Variants in SMC1B observed in about 807,000 individuals in gnomAD.
The protein encoded by SMC1B is structural maintenance of chromosomes 1B.
In SMC1B, 60 loss-of-function variants were observed where a neutral mutation model predicts 157.9. The ratio of observed to expected loss-of-function variants is 0.38; its 90% CI spans 0.31 to 0.47. SMC1B has a LOEUF of 0.47. SMC1B is among the 20% of genes least tolerant of loss of function. The pLI is 0.99. For missense variants in SMC1B, 1,165 were observed against 1,426.2 expected, an observed-to-expected ratio of 0.82 and a Z score of 2.95; for synonymous variants, 445 against 483.0, an observed-to-expected ratio of 0.92 and a Z score of 1.03.
rs2086646787 is a variant in SMC1B at position 45,354,135 on chromosome 22, AAG to A, written c.3119-5_3119-4del. ...TTCCTTTCTGCTGGCCTCAAAAGCT[AAG>A]AGAGAATCAATGTTCTTTATTTTAG... On this transcript the variant is annotated splice_polypyrimidine_tract_variant and splice_region_variant and intron_variant, in intron 20 of 24. Transcript: ENST00000357450. The A allele has an allele frequency of 6.5e-7, 1 of 1,541,986 alleles. No homozygotes were observed. Among genetic ancestry groups the A allele is most frequent in the Middle Eastern group, 1.7e-4 (1 of 5,874 alleles).
At position 45,354,849 on chromosome 22, in the gene SMC1B, G is replaced by A. The variant is rs138943968; in HGVS notation, c.3118+110C>T. The A allele has an allele frequency of 8.8e-4, 866 of 979,686 alleles. 8 individuals are homozygous for A. The African/African-American group carries it at 0.013, about 14-fold the overall frequency. 60.7% of individuals were successfully genotyped at this position (979,686 alleles called of 1,614,324 possible). A position where few individuals can be genotyped will look rare whatever the true frequency, so the allele number is the denominator to read the frequency against. On this transcript the variant is annotated intron_variant, in intron 20 of 24. Coordinates refer to ENST00000357450, the MANE Select transcript of SMC1B (RefSeq NM_148674.5). ...GCACACATTAATATAAGACCACAGA[G>A]GAAAAAATCTATAACAAAAAGGGAC...
At chr22:45,399,026 A>AT (rs1452266325) in intron 6 of SMC1B, 69 bp downstream of exon 6, 4 of 1,474,228 alleles carry the variant, frequency 2.7e-6, no homozygotes, top group Non-Finnish European at 2.7e-6. Context: ...CATCTTTTAA[A>AT]TTTTTTTCTA....
chr22:45,370,490 T>G (rs1209464047), intron 14 of SMC1B, among the ~76,000 whole-genome samples: 1 of 152,180 alleles, frequency 6.6e-6, no homozygotes, highest in East Asian at 1.9e-4. Flanking sequence ...AAAGCTAGAA[T>G]GGGGAAATTC....
rs552638438 is a variant in SMC1B, at chr22:45,387,370, AACTTGGG to A, written c.1732-331_1732-325del. On this transcript the variant is annotated intron_variant, in intron 10 of 24. Transcript: ENST00000357450. ...GAGGCTGAGGCAGGAGACTCGCTTG[AACTTGGG>A]AGACAGTAGTTGTAGTGAGCTGAGA... 5.3e-5 allele frequency among the ~76,000 whole-genome samples: 8 copies of A among 152,258 alleles called. No homozygotes were observed. The South Asian group carries it at 1.7e-3, about 32-fold the overall frequency.
intron 15 of SMC1B, 169 bp downstream of exon 15, chr22:45,369,785 C>T: frequency 2.2e-6 from 1 of 452,456 alleles, no homozygotes; most frequent in East Asian, 4.6e-5. Flanking sequence ...ACCTCGTGAT[C>T]CGCCTGCCTT....
intron 15 of SMC1B, among the ~76,000 whole-genome samples, chr22:45,367,217 G>A (rs1169128962): frequency 6.6e-6 from 1 of 152,110 alleles, no homozygotes; most frequent in African/African-American, 2.4e-5. Context: ...GATTATCTCT[G>A]TCTGGCTTGT....
At chr22:45,377,717 A>T (rs2086896972) in intron 12 of SMC1B, among the ~76,000 whole-genome samples, 1 of 151,892 alleles carries the variant, frequency 6.6e-6, no homozygotes, top group Non-Finnish European at 1.5e-5. Context: ...TTATTTTTAA[A>T]TAGAGATGGG....
At chr22:45,372,106 C>A in intron 13 of SMC1B, 49 bp downstream of exon 13, 1 of 1,476,594 alleles carries the variant, frequency 6.8e-7, no homozygotes. Context: ...TCCTGAAATT[C>A]TATGTTCTGG....
chr22:45,355,037 G>C lies in SMC1B; in HGVS notation c.3040C>G (p.Leu1014Val), dbSNP rs780441681. ...QQVASQEDIL[L>V]KTAAPNLRAL... ...CGTAGGTTTGGGGCTGCTGTTTTCAGTAAGATATCTTCCTGGGATGCTACT... is the reference window on the plus strand; with the variant it reads ...CGTAGGTTTGGGGCTGCTGTTTTCACTAAGATATCTTCCTGGGATGCTACT... Residue 1014 changes from leucine (L) to valine (V), a missense_variant, in exon 20 of 25, where the codon CTG becomes GTG. Physicochemically the swap from Leu to Val is conservative, Grantham distance 32. Transcript: ENST00000357450. The C allele has an allele frequency of 1.7e-5, 27 of 1,614,192 alleles. No individual in the cohort carries two copies. The South Asian group carries it at 2.4e-4, about 14-fold the overall frequency.
intron 16 of SMC1B, 51 bp from the exon 17 acceptor site, chr22:45,362,035 G>T (rs1437274528): frequency 6.4e-7 from 1 of 1,561,924 alleles, no homozygotes; most frequent in South Asian, 1.2e-5. Context: ...ATATTAATAA[G>T]GTACTTCTAT....
chr22:45,382,006 T>C (rs549468710), intron 12 of SMC1B, among the ~76,000 whole-genome samples: 18 of 152,286 alleles, frequency 1.2e-4, no homozygotes, highest in Non-Finnish European at 2.1e-4. Flanking sequence ...ATTCAACAAA[T>C]GATACTTTTG....
At position 45,383,556 on chromosome 22, in the gene SMC1B, T is replaced by G; in HGVS notation, c.1969A>C (p.Ser657Arg). Reference sequence around the variant, plus strand: ...CATCTAGCCTTGTATTTTAAGTCACTTGACCCTCCAGAGATCACTCCAGAT... The same window carrying G: ...CATCTAGCCTTGTATTTTAAGTCACGTGACCCTCCAGAGATCACTCCAGAT... ...LKSGVISGGSSDLKYKARCWD... is the reference protein window; with the variant it reads ...LKSGVISGGSRDLKYKARCWD... Residue 657 changes from serine (S) to arginine (R), a missense_variant, in exon 12 of 25, where the codon AGT becomes CGT. Physicochemically the swap from Ser to Arg is moderately radical, Grantham distance 110. Transcript: ENST00000357450. 1 of 1,610,660 alleles carries G rather than the reference T, an allele frequency of 6.2e-7. No individual in the cohort carries two copies. Among genetic ancestry groups the G allele is most frequent in the African/African-American group, 1.3e-5 (1 of 74,820 alleles).
intron 6 of SMC1B, among the ~76,000 whole-genome samples, chr22:45,398,186 G>T (rs2087148350): frequency 6.6e-6 from 1 of 152,184 alleles, no homozygotes; most frequent in Non-Finnish European, 1.5e-5. Flanking sequence ...GGGCTTTGGG[G>T]TCAGGAGCAC....
At chr22:45,364,139 G>A (rs774043808) in intron 15 of SMC1B, among the ~76,000 whole-genome samples, 3 of 152,148 alleles carry the variant, frequency 2.0e-5, no homozygotes, top group East Asian at 1.9e-4. Flanking sequence ...ATGAGCCACC[G>A]CGCCTGGCCC....
At chr22:45,402,164 T>G (rs767008435) in intron 5 of SMC1B, among the ~76,000 whole-genome samples, 169 bp downstream of exon 5, 30 of 152,224 alleles carry the variant, frequency 2.0e-4, no homozygotes, top group Admixed American at 1.6e-3. Flanking sequence ...ATTACAGGCA[T>G]GAGCCACCAC....
At chr22:45,362,810 C>A (rs190315276) in intron 16 of SMC1B, 75 bp downstream of exon 16, 7 of 1,230,298 alleles carry the variant, frequency 5.7e-6, no homozygotes, top group Non-Finnish European at 8.2e-6. Flanking sequence ...CCTTCAGGAG[C>A]GCACAAAAGG....
intron 19 of SMC1B, among the ~76,000 whole-genome samples, chr22:45,355,504 G>A (rs568920206): frequency 6.6e-6 from 1 of 152,250 alleles, no homozygotes; most frequent in East Asian, 1.9e-4. Flanking sequence ...TTTTTTGTAA[G>A]AGACAGGTCT....
At chr22:45,354,180 C>T (rs773499257) in intron 20 of SMC1B, 48 bp from the exon 21 acceptor site, 5 of 1,395,910 alleles carry the variant, frequency 3.6e-6, no homozygotes, top group Non-Finnish European at 4.7e-6. Flanking sequence ...TGAGGAGGTT[C>T]TTTTACTTAA....
intron 10 of SMC1B, 42 bp from the exon 11 acceptor site, chr22:45,387,088 A>G (rs749781094): frequency 6.8e-7 from 1 of 1,466,838 alleles, no homozygotes; most frequent in Non-Finnish European, 9.4e-7. Context: ...ATACACTGAA[A>G]TAAAAACCAA....
Sources: allele counts gnomAD v4.1 joint callset (sites outside exome capture counted in the v4.1 genomes callset), GRCh38; gene constraint gnomAD v4.1.1; transcripts MANE v1.5; gene names NCBI Gene and HGNC (gene_info 2026-07-23, HGNC 2026-07-21).